The following AFG2A variants were observed in gnomAD, a reference collection of about 807,000 sequenced individuals.
AFG2A encodes the protein AAA ATPase AFG2A.
the AFG2A span, among the ~76,000 whole-genome samples, chr4:123,010,597 A>G: frequency 6.6e-6 from 1 of 152,344 alleles, no homozygotes; most frequent in African/African-American, 2.4e-5. Flanking sequence ...AACTCTACTT[A>G]TAGCAGCCTG....
At chr4:123,118,331 TA>T in the AFG2A span, among the ~76,000 whole-genome samples, 2 of 11,968 alleles carry the variant, frequency 1.7e-4, no homozygotes, top group Admixed American at 6.1e-4. Flanking sequence ...TTATATATAA[TA>T]TATATATTAT....
the AFG2A span, among the ~76,000 whole-genome samples, chr4:123,247,228 T>C: frequency 6.6e-6 from 1 of 151,752 alleles, no homozygotes; most frequent in Non-Finnish European, 1.5e-5. Context: ...TGCGTGCGTG[T>C]GTGTGTGTGT....
the AFG2A span, among the ~76,000 whole-genome samples, chr4:123,080,572 TCTAA>T: frequency 1.3e-5 from 2 of 152,116 alleles, no homozygotes; most frequent in African/African-American, 2.4e-5. Flanking sequence ...TTACCTTTCT[TCTAA>T]CTATGTATTT....
At chr4:122,933,842 C>G in the AFG2A span, among the ~76,000 whole-genome samples, 1 of 152,040 alleles carries the variant, frequency 6.6e-6, no homozygotes, top group Non-Finnish European at 1.5e-5. Flanking sequence ...ATATGGAATG[C>G]CTGGCTATTT....
the AFG2A span, among the ~76,000 whole-genome samples, chr4:123,288,903 T>A: frequency 6.6e-6 from 1 of 152,220 alleles, no homozygotes; most frequent in Non-Finnish European, 1.5e-5. Flanking sequence ...TTTCATTTGC[T>A]AATCAGGCCT....
the AFG2A span, among the ~76,000 whole-genome samples, chr4:123,092,103 T>A: frequency 1.3e-5 from 2 of 152,218 alleles, no homozygotes; most frequent in African/African-American, 4.8e-5. Flanking sequence ...CAGTATTTTA[T>A]TAGAAGATAG....
chr4:123,203,807 T>G, the AFG2A span, among the ~76,000 whole-genome samples: 16,726 of 152,242 alleles, frequency 0.11, 2,438 homozygotes, highest in African/African-American at 0.34. Context: ...GTTGCTGCTA[T>G]AACAAATTAC....
chr4:123,225,242 T>C, the AFG2A span, among the ~76,000 whole-genome samples: 1 of 152,258 alleles, frequency 6.6e-6, no homozygotes, highest in Non-Finnish European at 1.5e-5. Flanking sequence ...ATTTTGGCTT[T>C]TGTTGCCATT....
the AFG2A span, among the ~76,000 whole-genome samples, chr4:123,154,509 TATG>T: frequency 2.6e-5 from 4 of 152,302 alleles, no homozygotes; most frequent in Admixed American, 6.5e-5. Context: ...ACCAAAAGTG[TATG>T]ATAAGTGTCC....
chr4:123,218,640 T>TATAC, the AFG2A span, among the ~76,000 whole-genome samples: 6,303 of 147,778 alleles, frequency 0.043, 280 homozygotes, highest in African/African-American at 0.11. Context: ...CATAAACACA[T>TATAC]ATACATACAT....
chr4:123,114,727 C>G, the AFG2A span, among the ~76,000 whole-genome samples: 55 of 152,312 alleles, frequency 3.6e-4, no homozygotes, highest in African/African-American at 1.3e-3. Context: ...TCATAAGGGG[C>G]AGAGCTCCCG....
chr4:123,248,046 T>G, the AFG2A span, among the ~76,000 whole-genome samples: 2 of 152,196 alleles, frequency 1.3e-5, no homozygotes, highest in African/African-American at 4.8e-5. Flanking sequence ...CATATGCTTC[T>G]GTATTTTCCT....
the AFG2A span, among the ~76,000 whole-genome samples, chr4:123,077,988 A>T: frequency 6.6e-6 from 1 of 152,210 alleles, no homozygotes; most frequent in South Asian, 2.1e-4. Flanking sequence ...TGTAAGAGAA[A>T]ATCATATCTT....
At chr4:123,267,945 T>C in the AFG2A span, among the ~76,000 whole-genome samples, 6 of 152,054 alleles carry the variant, frequency 3.9e-5, no homozygotes, top group African/African-American at 1.4e-4. Context: ...TGTTTAAATA[T>C]ATCCCTATAT....
chr4:123,033,798 T>C, the AFG2A span, among the ~76,000 whole-genome samples: 1 of 152,226 alleles, frequency 6.6e-6, no homozygotes, highest in Non-Finnish European at 1.5e-5. Context: ...TCTGTAAGTC[T>C]CATTTTTTTC....
the AFG2A span, among the ~76,000 whole-genome samples, chr4:123,051,068 A>C: frequency 1.3e-5 from 2 of 151,906 alleles, no homozygotes; most frequent in Non-Finnish European, 2.9e-5. Context: ...TTTTAACTAG[A>C]GAATTTAGTC....
the AFG2A span, among the ~76,000 whole-genome samples, chr4:123,189,214 C>G: frequency 6.6e-6 from 1 of 152,184 alleles, no homozygotes; most frequent in Non-Finnish European, 1.5e-5. Flanking sequence ...AAACCCTGCT[C>G]TGCGGAATTC....
the AFG2A span, among the ~76,000 whole-genome samples, chr4:123,081,080 C>T: frequency 1.8e-4 from 27 of 152,204 alleles, no homozygotes; most frequent in South Asian, 2.3e-3. Flanking sequence ...ACATTTGTTA[C>T]AATCTATAAA....
chr4:123,277,130 A>G, the AFG2A span, among the ~76,000 whole-genome samples: 1 of 151,874 alleles, frequency 6.6e-6, no homozygotes, highest in Non-Finnish European at 1.5e-5. Flanking sequence ...AATGTTTTCT[A>G]TTTTTGTGTC....
Sources: gnomAD v4.1 joint callset for allele counts (sites outside exome capture counted in the v4.1 genomes callset) on GRCh38, gnomAD v4.1.1 for gene constraint, MANE v1.5 for transcripts, NCBI Gene and HGNC (gene_info 2026-07-23, HGNC 2026-07-21) for gene names.